DHRS7B: variants seen among roughly 807,000 people sequenced by gnomAD.
The protein encoded by DHRS7B is peroxisomal reductase activating PPAR-gamma.
DHRS7B carries 24 observed loss-of-function variants against 26.4 expected under a neutral mutation model. The ratio of observed to expected loss-of-function variants is 0.91; its 90% confidence interval spans 0.66 to 1.28. The LOEUF (loss-of-function observed/expected upper bound fraction) is 1.28, where lower values mean the gene tolerates loss of function less well. Among genes scored for constraint, DHRS7B ranks in the 50% most tolerant of loss-of-function variants. The pLI is 0.00. For synonymous variants in DHRS7B, 142 were observed against 166.4 expected (o/e 0.85, Z 1.13); for missense variants, 368 against 419.4 (o/e 0.88, Z 1.07).
At chr17:21,158,309 A>C (rs1344426869) in intron 1 of DHRS7B, among the ~76,000 whole-genome samples, 1 of 152,254 alleles carries the variant, frequency 6.6e-6, no homozygotes, top group Admixed American at 6.5e-5. Context: ...CAAGAAAATG[A>C]AATAAAAATT....
At chr17:21,146,173 C>G (rs181551709) in intron 1 of DHRS7B, among the ~76,000 whole-genome samples, 4 of 152,298 alleles carry the variant, frequency 2.6e-5, no homozygotes, top group Admixed American at 2.6e-4. Flanking sequence ...CTTTGGGAGG[C>G]TGAGGCAGGC....
intron 1 of DHRS7B, among the ~76,000 whole-genome samples, chr17:21,136,863 G>A (rs529892324): frequency 6.6e-6 from 1 of 151,878 alleles, no homozygotes; most frequent in Non-Finnish European, 1.5e-5. Flanking sequence ...GTCAAAAAAA[G>A]TTTTTTAATC....
chr17:21,175,833 G>A (rs1053295861), intron 2 of DHRS7B, among the ~76,000 whole-genome samples: 5 of 151,738 alleles, frequency 3.3e-5, no homozygotes, highest in African/African-American at 1.2e-4. Context: ...GAAGCCTGAG[G>A]TGGAGGCTCG....
rs563915865 is a variant in DHRS7B at position 21,183,623 on chromosome 17, C to T, written c.339C>T (p.Thr113=). Residue 113 remains threonine (T), a synonymous_variant, in exon 4 of 7, where the codon ACC becomes ACT. Transcript: ENST00000395511. ...AGACACACAAGCCTTACTTGGTGACCTTCGACCTCACAGACTCTGGGGCCA... is the reference window on the plus strand; with the variant it reads ...AGACACACAAGCCTTACTTGGTGACTTTCGACCTCACAGACTCTGGGGCCA... ...KVQTHKPYLV[T]FDLTDSGAIV... 4.3e-6 allele frequency: 7 copies of T among 1,613,540 alleles called. No homozygotes were observed. Among genetic ancestry groups the T allele is most frequent in the South Asian group, 2.2e-5 (2 of 91,050 alleles).
intron 1 of DHRS7B, among the ~76,000 whole-genome samples, chr17:21,155,672 C>T (rs1973864456): frequency 6.6e-6 from 1 of 152,168 alleles, no homozygotes; most frequent in South Asian, 2.1e-4. Flanking sequence ...GCAGATTATA[C>T]ATTCTTCCCA....
At chr17:21,159,245 T>C (rs2144046011) in intron 1 of DHRS7B, among the ~76,000 whole-genome samples, 1 of 135,356 alleles carries the variant, frequency 7.4e-6, no homozygotes, top group East Asian at 2.1e-4. Flanking sequence ...TCTTTTTCTT[T>C]CTTTCTTTTT....
intron 4 of DHRS7B, 68 bp downstream of exon 4, chr17:21,183,878 T>C: frequency 1.4e-6 from 2 of 1,383,526 alleles, no homozygotes; most frequent in Admixed American, 1.8e-5. Context: ...ACTTGGATCC[T>C]TTTCAGCTAA....
Position 21,145,110 on chromosome 17 carries a change from G to A in DHRS7B, c.20+18119G>A, listed in dbSNP as rs549788468. Among the ~76,000 whole-genome samples, 527 of 152,068 alleles carry A rather than the reference G, an allele frequency of 3.5e-3. 6 individuals are homozygous for A. The highest frequency in any genetic ancestry group is 0.012 in the African/African-American group (505 of 41,486). ...GAGGCCAAGGTGGGCGGATCACGAG[G>A]TCAGGAGATTGAGACCATCCTGGCT... On this transcript the variant is annotated intron_variant, in intron 1 of 6. Coordinates refer to ENST00000395511, the MANE Select transcript of DHRS7B (RefSeq NM_015510.5).
intron 1 of DHRS7B, among the ~76,000 whole-genome samples, chr17:21,136,201 C>G (rs150073096): frequency 0.012 from 1,874 of 152,052 alleles, 15 homozygotes; most frequent in Non-Finnish European, 0.018. Flanking sequence ...ACTCGAGAGG[C>G]TGAGGCAGGA....
intron 1 of DHRS7B, among the ~76,000 whole-genome samples, chr17:21,140,517 CA>C (rs1973477194): frequency 6.7e-6 from 1 of 150,128 alleles, no homozygotes; most frequent in Non-Finnish European, 1.5e-5. Context: ...CACACACACA[CA>C]CACACACACA....
chr17:21,163,899 G>A (rs1005144768), intron 1 of DHRS7B, among the ~76,000 whole-genome samples: 2 of 151,998 alleles, frequency 1.3e-5, no homozygotes, highest in African/African-American at 4.8e-5. Flanking sequence ...ATGTTGCCCA[G>A]GCCAGTCTCA....
chr17:21,131,067 G>A (rs1257359041), intron 1 of DHRS7B, among the ~76,000 whole-genome samples: 2 of 152,190 alleles, frequency 1.3e-5, no homozygotes, highest in Non-Finnish European at 2.9e-5. Flanking sequence ...GTCTGTGATG[G>A]CCACTGAATT....
chr17:21,137,360 A>T (rs1340932208), intron 1 of DHRS7B, among the ~76,000 whole-genome samples: 1 of 148,412 alleles, frequency 6.7e-6, no homozygotes, highest in Non-Finnish European at 1.5e-5. Context: ...GCAGTGGCAC[A>T]ATCTCAGCTC....
intron 1 of DHRS7B, among the ~76,000 whole-genome samples, chr17:21,136,078 C>T (rs1044033441): frequency 8.5e-5 from 13 of 152,052 alleles, no homozygotes; most frequent in African/African-American, 3.1e-4. Context: ...GTGGGTGGAT[C>T]ACCTGAGGTC....
intron 6 of DHRS7B, among the ~76,000 whole-genome samples, 164 bp from the exon 7 acceptor site, chr17:21,190,784 A>G (rs552658765): frequency 6.6e-6 from 1 of 152,344 alleles, no homozygotes; most frequent in Non-Finnish European, 1.5e-5. Flanking sequence ...TCCTTGGAGC[A>G]TGGAATCATC....
In DHRS7B at chr17:21,138,213, T is replaced by TC. The variant is rs1235465036; in HGVS notation, c.20+11222_20+11223insC. Among the ~76,000 whole-genome samples, 70 of 109,052 alleles carry TC rather than the reference T, an allele frequency of 6.4e-4. 1 individual carries two copies. The highest frequency in any genetic ancestry group is 2.5e-3 in the African/African-American group (69 of 27,444). 71.5% of individuals were successfully genotyped at this position (109,052 alleles called of 152,430 possible). On this transcript the variant is annotated intron_variant, in intron 1 of 6. Coordinates refer to ENST00000395511, the MANE Select transcript of DHRS7B (RefSeq NM_015510.5). ...GTCTTGAACATCCATCCCTCCTTCT[T>TC]TTTTTTTTTTTTTTTTTTTTTGAGA... is the stretch of plus-strand genomic sequence containing the variant.
chr17:21,151,991 C>T (rs1046433424), intron 1 of DHRS7B, among the ~76,000 whole-genome samples: 1 of 152,108 alleles, frequency 6.6e-6, no homozygotes, highest in African/African-American at 2.4e-5. Flanking sequence ...TCTCTCGCTC[C>T]CACTCTCAAC....
intron 1 of DHRS7B, among the ~76,000 whole-genome samples, chr17:21,168,034 C>T (rs922696067): frequency 2.6e-5 from 4 of 152,152 alleles, no homozygotes; most frequent in African/African-American, 7.2e-5. Context: ...AAGCCCTGGA[C>T]ACCACAGCAA....
intron 3 of DHRS7B, among the ~76,000 whole-genome samples, chr17:21,180,275 G>A (rs763303894): frequency 4.6e-5 from 7 of 151,574 alleles, no homozygotes; most frequent in Non-Finnish European, 8.8e-5. Flanking sequence ...GGGTTTCACC[G>A]TGTTGGCCAG....
Sources: allele counts gnomAD v4.1 joint callset (sites outside exome capture counted in the v4.1 genomes callset), GRCh38; gene constraint gnomAD v4.1.1; transcripts MANE v1.5; gene names NCBI Gene and HGNC (gene_info 2026-07-23, HGNC 2026-07-21).